The following C21orf91 variants were observed in gnomAD, a reference collection of about 807,000 sequenced individuals.
C21orf91 encodes the protein chromosome 21 open reading frame 91, also known as protein EURL homolog.
Under a neutral mutation model 32.9 loss-of-function variants are expected in C21orf91, and 26 were observed. The observed-to-expected ratio is 0.79, with a 90% CI of 0.58 to 1.10. The LOEUF is 1.10. Ranked by LOEUF, C21orf91 falls within the 50% of genes least tolerant of loss-of-function variation. The probability of loss-of-function intolerance (pLI) is 0.00; values close to 1 mark genes in which losing one functional copy is unlikely to be tolerated. For synonymous variants in C21orf91, 126 were observed against 120.4 expected (o/e 1.05, Z -0.31); for missense variants, 310 against 341.3 (o/e 0.91, Z 0.72).
In C21orf91 at chr21:17,789,973, T is replaced by C. The variant is rs1044480408; in HGVS notation, c.*3442A>G. On this transcript the variant is annotated 3_prime_UTR_variant, in exon 5 of 5. Coordinates refer to ENST00000284881, the MANE Select transcript of C21orf91 (RefSeq NM_001100420.2). ...CGGCATCAATTATCTTTGCCTTACA[T>C]CTGAACAAAAAGTATTAACTTTTTT... The C allele has an allele frequency of 2.6e-5, 4 of 152,136 alleles. No individual in the cohort carries two copies. Among genetic ancestry groups the C allele is most frequent in the African/African-American group, 7.2e-5 (3 of 41,458 alleles). 9.4% of individuals were successfully genotyped at this position (152,136 alleles called of 1,614,324 possible). A position where few individuals can be genotyped will look rare whatever the true frequency, so the allele number is the denominator to read the frequency against.
chr21:17,808,734 A>C (rs928594936), intron 2 of C21orf91, among the ~76,000 whole-genome samples: 1 of 152,224 alleles, frequency 6.6e-6, no homozygotes, highest in Admixed American at 6.5e-5. Flanking sequence ...AAATGAATTA[A>C]GTCTATGAGG....
chr21:17,816,403 C>T (rs2062665118), intron 2 of C21orf91, among the ~76,000 whole-genome samples: 1 of 152,144 alleles, frequency 6.6e-6, no homozygotes, highest in Non-Finnish European at 1.5e-5. Flanking sequence ...GCATGAACTC[C>T]ATTAATGATG....
At chr21:17,810,203 C>T (rs2062623333) in intron 2 of C21orf91, among the ~76,000 whole-genome samples, 1 of 152,316 alleles carries the variant, frequency 6.6e-6, no homozygotes, top group South Asian at 2.1e-4. Context: ...TTAAAATTCA[C>T]ATTTAATGCT....
At chr21:17,814,349 G>C (rs1184856015) in intron 2 of C21orf91, among the ~76,000 whole-genome samples, 1 of 152,138 alleles carries the variant, frequency 6.6e-6, no homozygotes. Flanking sequence ...GTATGAAAAA[G>C]TTCATAGTGT....
Position 17,790,067 on chromosome 21 carries a change from AG to A in C21orf91, c.*3347del, listed in dbSNP as rs2062461323. On this transcript the variant is annotated 3_prime_UTR_variant, in exon 5 of 5. Coordinates refer to ENST00000284881, the MANE Select transcript of C21orf91 (RefSeq NM_001100420.2). ...GTCAGTAAATGAACTGGCATACATC[AG>A]AAAAAGTTGACAATAGAAGAATTTT... 1 of 152,172 alleles carries A rather than the reference AG, an allele frequency of 6.6e-6. No homozygotes were observed. The highest frequency in any genetic ancestry group is 1.5e-5 in the Non-Finnish European group (1 of 67,972). The allele number at this position is 152,172 out of a possible 1,614,324, so 9.4% of individuals were successfully genotyped here. A position where few individuals can be genotyped will look rare whatever the true frequency, so the allele number is the denominator to read the frequency against.
rs185448860 is a variant in C21orf91, at chr21:17,811,439, T to C, written c.127+6753A>G. ...CTAGAGGGTGACACTTCACTTCCTC[T>C]AAAGTAGAGATAAATCTATCTTTGT... On this transcript the variant is annotated intron_variant, in intron 2 of 4. Transcript: ENST00000284881. The C allele has an allele frequency of 6.6e-5, 10 of 152,362 alleles. No homozygotes were observed. The East Asian group carries it at 1.9e-3, about 29-fold the overall frequency. 9.4% of individuals were successfully genotyped at this position (152,362 alleles called of 1,614,324 possible). A position where few individuals can be genotyped will look rare whatever the true frequency, so the allele number is the denominator to read the frequency against.
intron 2 of C21orf91, among the ~76,000 whole-genome samples, chr21:17,801,274 G>GTT (rs904831489): frequency 7.1e-5 from 10 of 140,424 alleles, no homozygotes; most frequent in African/African-American, 1.0e-4. Flanking sequence ...AACACCGTAT[G>GTT]TTTTTTTTTT....
In C21orf91 at chr21:17,789,476, A is replaced by G. The variant is rs1379257388; in HGVS notation, c.*3939T>C. On this transcript the variant is annotated 3_prime_UTR_variant, in exon 5 of 5. Coordinates refer to ENST00000284881, the MANE Select transcript of C21orf91 (RefSeq NM_001100420.2). ...TTTAAACCTTTTTTGGGAGAGGGCA[A>G]TACTCATCTTCATGAATTTTTGTTT... 1 of 152,146 alleles carries G rather than the reference A, an allele frequency of 6.6e-6. No homozygotes were observed. The highest frequency in any genetic ancestry group is 1.9e-4 in the East Asian group (1 of 5,196). The allele number at this position is 152,146 out of a possible 1,614,324, so 9.4% of individuals were successfully genotyped here. A position where few individuals can be genotyped will look rare whatever the true frequency, so the allele number is the denominator to read the frequency against.
In C21orf91 at chr21:17,789,303, A is replaced by G. The variant is rs945243317; in HGVS notation, c.*4112T>C. ...CACACACACAAAATGGAACTGAACA[A>G]AAGTCACTACTTAATACTTTCTAAA... On this transcript the variant is annotated 3_prime_UTR_variant, in exon 5 of 5. Coordinates refer to ENST00000284881, the MANE Select transcript of C21orf91 (RefSeq NM_001100420.2). 2.6e-5 allele frequency: 4 copies of G among 151,896 alleles called. No individual in the cohort carries two copies. Among genetic ancestry groups the G allele is most frequent in the Non-Finnish European group, 5.9e-5 (4 of 67,986 alleles). 9.4% of individuals were successfully genotyped at this position (151,896 alleles called of 1,614,324 possible).
intron 4 of C21orf91, 126 bp downstream of exon 4, chr21:17,795,082 A>G: frequency 1.4e-6 from 1 of 709,330 alleles, no homozygotes; most frequent in Non-Finnish European, 2.5e-6. Context: ...TGCTCTGGAA[A>G]CTCTAACAGG....
intron 2 of C21orf91, among the ~76,000 whole-genome samples, chr21:17,798,014 ATTAAAG>A (rs781071484): frequency 5.1e-4 from 78 of 152,284 alleles, no homozygotes; most frequent in Non-Finnish European, 8.4e-4. Flanking sequence ...AAGCCATGTT[ATTAAAG>A]TTAAACAGCG....
rs1015046488 is a variant in C21orf91, at chr21:17,796,430, A to C, written c.664+152T>G. 19 of 612,974 alleles carry C rather than the reference A, an allele frequency of 3.1e-5. No homozygotes were observed. In the Admixed American group the frequency reaches 5.5e-4, roughly 18 times the overall value. The allele number at this position is 612,974 out of a possible 1,614,324, so 38.0% of individuals were successfully genotyped here. On this transcript the variant is annotated intron_variant, in intron 3 of 4. Coordinates refer to ENST00000284881, the MANE Select transcript of C21orf91 (RefSeq NM_001100420.2). ...GAATCCCAGTGAATGAAAAATTTTA[A>C]GATGTCTCATTTTTGCTAAGGTGAA...
intron 3 of C21orf91, among the ~76,000 whole-genome samples, chr21:17,795,693 G>A (rs1244291711): frequency 6.6e-6 from 1 of 151,868 alleles, no homozygotes; most frequent in Non-Finnish European, 1.5e-5. Flanking sequence ...GGCTGGTCTT[G>A]AACTCCTGGG....
chr21:17,813,553 C>A (rs1437313664), intron 2 of C21orf91, among the ~76,000 whole-genome samples: 1 of 152,168 alleles, frequency 6.6e-6, no homozygotes, highest in Non-Finnish European at 1.5e-5. Flanking sequence ...CAGAGAGCAG[C>A]CAGATACATA....
At chr21:17,811,418 AG>A (rs1374806506) in intron 2 of C21orf91, 1 of 152,226 alleles carries the variant, frequency 6.6e-6, no homozygotes, top group African/African-American at 2.4e-5. Flanking sequence ...TTCCAACTAG[AG>A]GGTGACACTT....
intron 2 of C21orf91, among the ~76,000 whole-genome samples, chr21:17,803,228 A>G (rs961046048): frequency 6.6e-6 from 1 of 152,234 alleles, no homozygotes; most frequent in Non-Finnish European, 1.5e-5. Flanking sequence ...TATTGCTTCA[A>G]AATATTTTTT....
chr21:17,797,187 C>A, intron 2 of C21orf91, 69 bp from the exon 3 acceptor site: 1 of 989,116 alleles, frequency 1.0e-6, no homozygotes, highest in Non-Finnish European at 1.5e-6. Flanking sequence ...TAAGAACATA[C>A]AAATCTTAGT....
At position 17,789,847 on chromosome 21, in the gene C21orf91, A is replaced by T. The variant is rs1203915654; in HGVS notation, c.*3568T>A. The T allele has an allele frequency of 1.3e-5, 2 of 152,108 alleles. No individual in the cohort carries two copies. The highest frequency in any genetic ancestry group is 2.9e-5 in the Non-Finnish European group (2 of 67,958). 9.4% of individuals were successfully genotyped at this position (152,108 alleles called of 1,614,324 possible). A position where few individuals can be genotyped will look rare whatever the true frequency, so the allele number is the denominator to read the frequency against. On this transcript the variant is annotated 3_prime_UTR_variant, in exon 5 of 5. Coordinates refer to ENST00000284881, the MANE Select transcript of C21orf91 (RefSeq NM_001100420.2). ...CCACAAAACTTTACTTGGTAAGAAT[A>T]AACTGTTGGGGGTTTTATCTCTTAC...
chr21:17,810,330 TTTC>T (rs1241169635), intron 2 of C21orf91, among the ~76,000 whole-genome samples: 4 of 152,184 alleles, frequency 2.6e-5, no homozygotes, highest in African/African-American at 7.2e-5. Context: ...TGGAAAAATT[TTTC>T]TTAAGTTTTA....
Sources: allele counts gnomAD v4.1 joint callset (sites outside exome capture counted in the v4.1 genomes callset), GRCh38; gene constraint gnomAD v4.1.1; transcripts MANE v1.5; gene names NCBI Gene and HGNC (gene_info 2026-07-23, HGNC 2026-07-21).